Variants in CLDN19 observed in about 807,000 individuals in gnomAD.
CLDN19 encodes the protein claudin 19.
Under a neutral mutation model 24.5 loss-of-function variants are expected in CLDN19, and 19 were observed. The ratio of observed to expected loss-of-function variants is 0.78; its 90% CI spans 0.54 to 1.14. The LOEUF (loss-of-function observed/expected upper bound fraction) is 1.14. Among genes scored for constraint, CLDN19 ranks in the 50% most tolerant of loss-of-function variants. The pLI is 0.00. For missense variants in CLDN19, 250 were observed against 295.9 expected, an observed-to-expected ratio of 0.84 and a Z score of 1.14; for synonymous variants, 117 against 129.6, an observed-to-expected ratio of 0.90 and a Z score of 0.66.
chr1:42,735,290 C>T lies in CLDN19; in HGVS notation c.627-156G>A, dbSNP rs1042403857. On this transcript the variant is annotated intron_variant, in intron 4 of 4. Transcript: ENST00000296387. ...TGGGGCCCATTCCCGGGGGCAGGGG[C>T]GCCATGGTCCGACCTCACCATCTGT... 69 of 1,517,238 alleles carry T rather than the reference C, an allele frequency of 4.5e-5. 1 individual carries two copies. The highest frequency in any genetic ancestry group is 5.7e-5 in the Non-Finnish European group (64 of 1,130,134). The allele number at this position is 1,517,238 out of a possible 1,614,324, so 94.0% of individuals were successfully genotyped here. A position where few individuals can be genotyped will look rare whatever the true frequency, so the allele number is the denominator to read the frequency against.
chr1:42,736,789 G>T (rs1651387952), intron 3 of CLDN19, among the ~76,000 whole-genome samples: 1 of 152,218 alleles, frequency 6.6e-6, no homozygotes, highest in Non-Finnish European at 1.5e-5. Context: ...AGAGCCATCA[G>T]TGTCCCCAGG....
chr1:42,739,862 C>T lies in CLDN19; in HGVS notation c.202G>A (p.Asp68Asn), dbSNP rs779164813. Residue 68 changes from aspartate to asparagine, a missense_variant, in exon 1 of 5, where the codon GAC (aspartate) becomes AAC (asparagine). Transcript: ENST00000296387. ...CTACCGTCCAGGGCGAGCAGCGAGT[C>T]GTAGAGCTTGCACTGCACTTGCCCA... is the stretch of plus-strand genomic sequence containing the variant. Reference protein sequence around the residue: ...STGQVQCKLYDSLLALDGHIQ... With the variant: ...STGQVQCKLYNSLLALDGHIQ... 26 of 1,612,974 alleles carry T rather than the reference C, an allele frequency of 1.6e-5. No individual in the cohort carries two copies. Among genetic ancestry groups the T allele is most frequent in the South Asian group, 7.7e-5 (7 of 90,940 alleles).
chr1:42,738,000 C>T (rs1173957736), intron 3 of CLDN19, among the ~76,000 whole-genome samples: 1 of 152,224 alleles, frequency 6.6e-6, no homozygotes, highest in South Asian at 2.1e-4. Context: ...GGATTGAAAC[C>T]CAGAGCCAGG....
intron 3 of CLDN19, among the ~76,000 whole-genome samples, chr1:42,736,767 T>A (rs1044933284): frequency 1.3e-4 from 20 of 152,184 alleles, no homozygotes; most frequent in Non-Finnish European, 1.9e-4. Context: ...GGGAAGCCCC[T>A]TGAGGGCAGA....
rs775740656 is a variant in CLDN19 at position 42,735,072 on chromosome 1, C to G, written c.*14G>C. 9.4e-6 allele frequency: 15 copies of G among 1,590,158 alleles called. No individual in the cohort carries two copies. The highest frequency in any genetic ancestry group is 1.3e-5 in the Non-Finnish European group (15 of 1,158,572). On this transcript the variant is annotated 3_prime_UTR_variant, in exon 5 of 5. Coordinates refer to ENST00000296387, the MANE Select transcript of CLDN19 (RefSeq NM_148960.3). ...AGGTATGGCAGGGGACAGAGCCTGG[C>G]TGGGGACTGGACATTACACACCCAG... is the stretch of plus-strand genomic sequence containing the variant.
intron 3 of CLDN19, among the ~76,000 whole-genome samples, chr1:42,737,768 T>G (rs1213689738): frequency 6.6e-6 from 1 of 152,224 alleles, no homozygotes; most frequent in Non-Finnish European, 1.5e-5. Flanking sequence ...TTGCAACTTT[T>G]GCCTCCCGGG....
Position 42,738,486 on chromosome 1 carries a change from C to T in CLDN19, c.323G>A (p.Gly108Glu). 1 of 1,614,048 alleles carries T rather than the reference C, an allele frequency of 6.2e-7. No homozygotes were observed. ...SVVGMKCTRV[G>E]DSNPIAKGRV... Reference sequence around the variant, plus strand: ...GCCCTTGGCAATGGGGTTGCTGTCTCCCACCCGCGTACACTTCATGCCAAC... The same window carrying T: ...GCCCTTGGCAATGGGGTTGCTGTCTTCCACCCGCGTACACTTCATGCCAAC... The change falls in exon 2 of 5, where the codon GGA (glycine) becomes GAA (glutamate). Residue 108 changes from glycine to glutamate, a missense_variant. Gly to Glu is a moderately conservative substitution (Grantham distance 98). Coordinates refer to ENST00000296387, the MANE Select transcript of CLDN19 (RefSeq NM_148960.3).
At position 42,735,985 on chromosome 1, in the gene CLDN19, G is replaced by A; in HGVS notation, c.519C>T (p.Gly173=). The A allele has an allele frequency of 6.3e-7, 1 of 1,574,974 alleles. No homozygotes were observed. The highest frequency in any genetic ancestry group is 8.6e-7 in the Non-Finnish European group (1 of 1,161,160). The part of the protein sequence containing the change: ...PALFVGWASA[G]LAVLGGSFLC... ...GGAAGGAGCCGCCCAGCACGGCCAG[G>A]CCAGCTGAGGCCCAGCCCACGAACA... Residue 173 remains glycine (G), a synonymous_variant, in exon 4 of 5, where the codon GGC becomes GGT. Coordinates refer to ENST00000296387, the MANE Select transcript of CLDN19 (RefSeq NM_148960.3).
chr1:42,738,351 G>T, intron 2 of CLDN19, 38 bp from the exon 3 acceptor site: 1 of 1,612,788 alleles, frequency 6.2e-7, no homozygotes, highest in Non-Finnish European at 8.5e-7. Flanking sequence ...CTCTGCTCTG[G>T]CCCCCCGAGG....
chr1:42,733,259 GAC>G lies in CLDN19; in HGVS notation c.*1825_*1826del, dbSNP rs1295555220. On this transcript the variant is annotated 3_prime_UTR_variant, in exon 5 of 5. Coordinates refer to ENST00000296387, the MANE Select transcript of CLDN19 (RefSeq NM_148960.3). ...CCAGCTAATTTTTGTATTTTTAATA[GAC>G]ACGGGGTTTTACCATATTGGCCAGG... The G allele has an allele frequency of 6.6e-6, 1 of 151,926 alleles. No individual in the cohort carries two copies. The highest frequency in any genetic ancestry group is 1.5e-5 in the Non-Finnish European group (1 of 68,032). The allele number at this position is 151,926 out of a possible 1,614,324, so 9.4% of individuals were successfully genotyped here.
chr1:42,739,762 CAG>C, intron 1 of CLDN19, 77 bp downstream of exon 1: 2 of 1,196,110 alleles, frequency 1.7e-6, no homozygotes, highest in Admixed American at 3.7e-5. Flanking sequence ...GCGCAGATAG[CAG>C]ACTGTGAGGA....
At chr1:42,739,177 G>A (rs1226076083) in intron 1 of CLDN19, among the ~76,000 whole-genome samples, 1 of 152,162 alleles carries the variant, frequency 6.6e-6, no homozygotes, top group African/African-American at 2.4e-5. Context: ...GGCACAATGG[G>A]GCTGGTTGAA....
At chr1:42,736,063 G>C (rs1287424922) in intron 3 of CLDN19, 33 bp from the exon 4 acceptor site, 1 of 1,433,728 alleles carries the variant, frequency 7.0e-7, no homozygotes, top group Non-Finnish European at 9.6e-7. Flanking sequence ...CATCAGGTGT[G>C]GCTGCCGTCT....
chr1:42,738,634 G>T (rs746489916), intron 1 of CLDN19, 49 bp from the exon 2 acceptor site: 3 of 1,588,680 alleles, frequency 1.9e-6, no homozygotes, highest in Non-Finnish European at 2.6e-6. Context: ...GATGGGGGTT[G>T]GGTCGGTGCC....
intron 3 of CLDN19, among the ~76,000 whole-genome samples, chr1:42,736,812 G>A (rs1484729389): frequency 2.6e-5 from 4 of 152,224 alleles, no homozygotes; most frequent in Admixed American, 6.5e-5. Flanking sequence ...CCAGCACAGG[G>A]CCTGGCAGCC....
intron 1 of CLDN19, 132 bp downstream of exon 1, chr1:42,739,709 G>C (rs1435050988): frequency 1.3e-6 from 1 of 790,868 alleles, no homozygotes; most frequent in African/African-American, 1.7e-5. Context: ...GCACAGGGCA[G>C]TAGTGGGGGA....
intron 3 of CLDN19, among the ~76,000 whole-genome samples, 159 bp from the exon 4 acceptor site, chr1:42,736,189 T>G (rs1439988314): frequency 6.6e-6 from 1 of 152,138 alleles, no homozygotes; most frequent in Non-Finnish European, 1.5e-5. Context: ...TGCTCTTCCT[T>G]TCTCCCTCCC....
Position 42,735,169 on chromosome 1 carries a change from G to GT in CLDN19, c.627-36dup, listed in dbSNP as rs528764011. The GT allele has an allele frequency of 8.7e-3, 14,050 of 1,613,488 alleles. 100 individuals carry two copies. Among genetic ancestry groups the GT allele is most frequent in the Non-Finnish European group, 9.8e-3 (11,568 of 1,179,710 alleles). On this transcript the variant is annotated intron_variant, in intron 4 of 4. Transcript: ENST00000296387. ...AAAAGAGAGAGAGCTGGTTAGTGGA[G>GT]TGAGCTGTGGGGTCGGGGGCAGGGG... is the stretch of plus-strand genomic sequence containing the variant.
chr1:42,738,990 G>A (rs1313668164), intron 1 of CLDN19, among the ~76,000 whole-genome samples: 1 of 152,114 alleles, frequency 6.6e-6, no homozygotes, highest in East Asian at 1.9e-4. Flanking sequence ...CCTGAGCCCC[G>A]CAGCAACCCC....
Sources: allele counts gnomAD v4.1 joint callset (sites outside exome capture counted in the v4.1 genomes callset), GRCh38; gene constraint gnomAD v4.1.1; transcripts MANE v1.5; gene names NCBI Gene and HGNC (gene_info 2026-07-23, HGNC 2026-07-21).